The following PRLR variants were observed in gnomAD, a reference collection of about 807,000 sequenced individuals.
PRLR encodes the protein hPRL receptor.
In PRLR, 13 loss-of-function variants were observed where a neutral mutation model predicts 40.2. The ratio of observed to expected loss-of-function variants is 0.32; its 90% CI spans 0.21 to 0.51. The LOEUF (loss-of-function observed/expected upper bound fraction) is 0.51, where lower values mean the gene tolerates loss of function less well. Among genes scored for constraint, PRLR ranks in the 20% least tolerant of loss-of-function variants. The pLI is 0.97. For missense variants in PRLR, 656 were observed against 747.3 expected (o/e 0.88, Z 1.42); for synonymous variants, 269 against 278.7 (o/e 0.97, Z 0.35).
intron 1 of PRLR, among the ~76,000 whole-genome samples, chr5:35,201,106 T>C (rs1775872256): frequency 1.3e-5 from 2 of 152,176 alleles, no homozygotes; most frequent in Admixed American, 1.3e-4. Context: ...CTTAACATCT[T>C]CATTAAATGG....
chr5:35,075,139 G>T (rs1228773779), intron 5 of PRLR, among the ~76,000 whole-genome samples: 1 of 152,182 alleles, frequency 6.6e-6, no homozygotes, highest in Non-Finnish European at 1.5e-5. Context: ...ACAGAAGACG[G>T]GTGATTTCTG....
rs1775602751 is a variant in PRLR at position 35,191,338 on chromosome 5, G to A, written c.-106+38930C>T. Reference sequence around the variant, plus strand: ...GCCCGCCTCGGCCTCCCAAAGTGCTGGGATTACAGGCGTGAGCCACCGCGC... The same window carrying A: ...GCCCGCCTCGGCCTCCCAAAGTGCTAGGATTACAGGCGTGAGCCACCGCGC... On this transcript the variant is annotated intron_variant, in intron 1 of 9. Transcript: ENST00000618457. Among the ~76,000 whole-genome samples, 2 of 87,606 alleles carry A rather than the reference G, an allele frequency of 2.3e-5. 1 individual carries two copies. The allele number at this position is 87,606 out of a possible 152,430, so 57.5% of individuals were successfully genotyped here. A position where few individuals can be genotyped will look rare whatever the true frequency, so the allele number is the denominator to read the frequency against.
chr5:35,062,021 A>G lies in PRLR; in HGVS notation c.*3068T>C, dbSNP rs1769067322. 2.0e-5 allele frequency: 3 copies of G among 152,318 alleles called. No homozygotes were observed. Among genetic ancestry groups the G allele is most frequent in the East Asian group, 1.9e-4 (1 of 5,188 alleles). 9.4% of individuals were successfully genotyped at this position (152,318 alleles called of 1,614,324 possible). On this transcript the variant is annotated 3_prime_UTR_variant, in exon 10 of 10. Transcript: ENST00000618457. ...TTTTTAAATGCCTCTTTCTACACAT[A>G]TATTTGCACATAATCTTAGAATATG...
downstream of PRLR, among the ~76,000 whole-genome samples, chr5:35,052,496 T>A (rs927426388): frequency 3.9e-5 from 6 of 152,170 alleles, no homozygotes; most frequent in Non-Finnish European, 8.8e-5. Flanking sequence ...GCAGTTCTCT[T>A]TGACCTGCTG....
intron 1 of PRLR, among the ~76,000 whole-genome samples, chr5:35,215,451 C>T (rs1321215931): frequency 6.6e-6 from 1 of 152,210 alleles, no homozygotes; most frequent in African/African-American, 2.4e-5. Context: ...ATAGTAATTA[C>T]TCCCATGAAT....
At position 35,062,199 on chromosome 5, in the gene PRLR, A is replaced by C. The variant is rs1769079186; in HGVS notation, c.*2890T>G. 6.6e-6 allele frequency: 1 copy of C among 152,192 alleles called. No individual in the cohort carries two copies. Among genetic ancestry groups the C allele is most frequent in the Non-Finnish European group, 1.5e-5 (1 of 68,042 alleles). The allele number at this position is 152,192 out of a possible 1,614,324, so 9.4% of individuals were successfully genotyped here. A position where few individuals can be genotyped will look rare whatever the true frequency, so the allele number is the denominator to read the frequency against. On this transcript the variant is annotated 3_prime_UTR_variant, in exon 10 of 10. Transcript: ENST00000618457. ...CAATTTTTTGTTAGATTAGGATAGA[A>C]GGCATTGGTTGGGATTATCTTTGCA... is the stretch of plus-strand genomic sequence containing the variant.
At chr5:35,095,566 G>A (rs1771480685) in intron 2 of PRLR, among the ~76,000 whole-genome samples, 1 of 152,200 alleles carries the variant, frequency 6.6e-6, no homozygotes, top group Non-Finnish European at 1.5e-5. Context: ...AGCTGTTCTT[G>A]CTCTGCCAAT....
At chr5:35,122,688 A>G (rs1018546760) in intron 1 of PRLR, among the ~76,000 whole-genome samples, 1 of 152,246 alleles carries the variant, frequency 6.6e-6, no homozygotes, top group Non-Finnish European at 1.5e-5. Context: ...TAGAGATTAC[A>G]TATGGCAATT....
intron 1 of PRLR, among the ~76,000 whole-genome samples, chr5:35,189,872 G>T (rs1775553867): frequency 6.6e-6 from 1 of 152,178 alleles, no homozygotes; most frequent in Non-Finnish European, 1.5e-5. Flanking sequence ...AGGAAACTGA[G>T]CCCAGAAAGG....
chr5:35,152,678 T>C (rs1774375137), intron 1 of PRLR: 1 of 152,214 alleles, frequency 6.6e-6, no homozygotes, highest in African/African-American at 2.4e-5. Flanking sequence ...CACAATATAT[T>C]GGGAGTTATG....
At chr5:35,092,446 T>C (rs1476025946) in intron 2 of PRLR, among the ~76,000 whole-genome samples, 1 of 152,228 alleles carries the variant, frequency 6.6e-6, no homozygotes, top group Non-Finnish European at 1.5e-5. Context: ...GTTAATTAAC[T>C]CTGAACACAC....
chr5:35,144,421 T>A (rs1037349038), intron 1 of PRLR, among the ~76,000 whole-genome samples: 4 of 152,042 alleles, frequency 2.6e-5, no homozygotes, highest in African/African-American at 4.8e-5. Flanking sequence ...GAATGTAAAA[T>A]CAAATTTTTA....
chr5:35,149,525 T>C (rs907564562), intron 1 of PRLR, among the ~76,000 whole-genome samples: 2 of 152,174 alleles, frequency 1.3e-5, no homozygotes, highest in African/African-American at 2.4e-5. Flanking sequence ...CTAAGCTTCT[T>C]ATGGAATTTC....
At chr5:35,181,359 T>G (rs981293540) in intron 1 of PRLR, among the ~76,000 whole-genome samples, 4 of 152,144 alleles carry the variant, frequency 2.6e-5, no homozygotes, top group African/African-American at 4.8e-5. Context: ...GCAGGTGAAG[T>G]AAAAGGGAGA....
At chr5:35,053,930 G>A (rs530472604), downstream of PRLR, among the ~76,000 whole-genome samples, 6 of 152,198 alleles carry the variant, frequency 3.9e-5, no homozygotes, top group African/African-American at 1.4e-4. Context: ...ATAAAACAGT[G>A]GAGCACCAGG....
In PRLR at chr5:35,094,696, C is replaced by T. The variant is rs547240824; in HGVS notation, c.-43-5033G>A. On this transcript the variant is annotated intron_variant, in intron 2 of 9. Transcript: ENST00000618457. ...TCAGTATTAGGCATTGTGTTAAGGG[C>T]TTCCTTCGGGGTCCTTGGCCCACTG... Among the ~76,000 whole-genome samples, 6 of 152,302 alleles carry T rather than the reference C, an allele frequency of 3.9e-5. No homozygotes were observed. The South Asian group carries it at 8.3e-4, about 21-fold the overall frequency.
chr5:35,153,161 A>C (rs1774387380), intron 1 of PRLR, among the ~76,000 whole-genome samples: 1 of 152,238 alleles, frequency 6.6e-6, no homozygotes, highest in South Asian at 2.1e-4. Flanking sequence ...GATGGCTATC[A>C]TTATCATATT....
chr5:35,146,180 T>G (rs1474482686), intron 1 of PRLR, among the ~76,000 whole-genome samples: 1 of 152,160 alleles, frequency 6.6e-6, no homozygotes, highest in Non-Finnish European at 1.5e-5. Flanking sequence ...ACATATTTAG[T>G]AACAACTATT....
chr5:35,107,358 G>A (rs185443484), intron 2 of PRLR, among the ~76,000 whole-genome samples: 2 of 152,044 alleles, frequency 1.3e-5, no homozygotes, highest in Non-Finnish European at 2.9e-5. Flanking sequence ...CTAGCAGAAG[G>A]CAAGAAATAA....
Sources: allele counts gnomAD v4.1 joint callset (sites outside exome capture counted in the v4.1 genomes callset), GRCh38; gene constraint gnomAD v4.1.1; transcripts MANE v1.5; gene names NCBI Gene and HGNC (gene_info 2026-07-23, HGNC 2026-07-21).